The following ATM variants were observed in gnomAD, a reference collection of about 807,000 sequenced individuals.
The protein encoded by ATM is serine-protein kinase ATM.
A neutral mutation model predicts 387.0 loss-of-function variants in ATM; 308 were observed. That is an observed-to-expected ratio of 0.80 (90% CI 0.73 to 0.87). The LOEUF (loss-of-function observed/expected upper bound fraction) is 0.87, where lower values mean the gene tolerates loss of function less well. Among genes scored for constraint, ATM ranks in the 40% least tolerant of loss-of-function variants. The pLI, the probability that ATM is intolerant of heterozygous loss-of-function variation, is 0.00. For missense variants in ATM, 3,312 were observed against 3,560.9 expected, an observed-to-expected ratio of 0.93 and a Z score of 1.78; for synonymous variants, 1,156 against 1,187.3, an observed-to-expected ratio of 0.97 and a Z score of 0.54.
intron 55 of ATM, among the ~76,000 whole-genome samples, 172 bp from the exon 56 acceptor site, chr11:108,335,673 G>T (rs2086761921): frequency 6.6e-6 from 1 of 152,212 alleles, no homozygotes; most frequent in Non-Finnish European, 1.5e-5. Flanking sequence ...TGTAAATGTT[G>T]TAGCTTATTC....
chr11:108,310,421 AT>A, intron 39 of ATM, 106 bp downstream of exon 39: 1 of 1,060,582 alleles, frequency 9.4e-7, no homozygotes, highest in Non-Finnish European at 1.3e-6. Context: ...TTTAAAAGAT[AT>A]TTTAGATAGA....
chr11:108,232,527 C>CCTTTTTTTTTTTTTTTTTTTTTT, intron 4 of ATM, among the ~76,000 whole-genome samples: 1 of 58,178 alleles, frequency 1.7e-5, no homozygotes. Flanking sequence ...GATTTCTCTC[C>CCTTTTTTTTTTTTTTTTTTTTTT]TTTTTTTTTT....
chr11:108,337,018 T>C (rs2086930280), intron 56 of ATM, among the ~76,000 whole-genome samples: 2 of 152,232 alleles, frequency 1.3e-5, no homozygotes, highest in South Asian at 2.1e-4. Context: ...TATATATTTC[T>C]AGTTTTCCAC....
rs1239798453 is a variant in ATM at position 108,227,577 on chromosome 11, T to C, written c.-30-18T>C. 2 of 1,454,192 alleles carry C rather than the reference T, an allele frequency of 1.4e-6. No individual in the cohort carries two copies. Among genetic ancestry groups the C allele is most frequent in the Non-Finnish European group, 1.9e-6 (2 of 1,034,868 alleles). The allele number at this position is 1,454,192 out of a possible 1,614,324, so 90.1% of individuals were successfully genotyped here. ...ATATACATATACATATATATACCTA[T>C]ATGTATTTTTTTTACAGACAGTGAT... is the stretch of plus-strand genomic sequence containing the variant. On this transcript the variant is annotated intron_variant, in intron 1 of 62. Coordinates refer to ENST00000675843, the MANE Select transcript of ATM (RefSeq NM_000051.4).
chr11:108,328,676 C>G (rs1486352864), intron 48 of ATM, among the ~76,000 whole-genome samples: 2 of 152,164 alleles, frequency 1.3e-5, no homozygotes, highest in African/African-American at 4.8e-5. Flanking sequence ...CAGGGCTGTC[C>G]AATCTTTTGG....
chr11:108,345,990 C>T (rs2137045636), intron 58 of ATM, 82 bp downstream of exon 58: 1 of 1,510,190 alleles, frequency 6.6e-7, no homozygotes, highest in East Asian at 2.3e-5. Flanking sequence ...ACTTTTTCTA[C>T]ATTCTGAGTT....
intron 52 of ATM, among the ~76,000 whole-genome samples, chr11:108,332,512 AG>A (rs1042375792): frequency 1.1e-4 from 16 of 152,172 alleles, no homozygotes; most frequent in African/African-American, 3.9e-4. Context: ...TACCAGTAGT[AG>A]TTTACTTTTT....
chr11:108,239,723 T>C (rs756448808), intron 5 of ATM, among the ~76,000 whole-genome samples: 82 of 152,324 alleles, frequency 5.4e-4, no homozygotes, highest in Admixed American at 1.6e-3. Context: ...CATCCTGTTT[T>C]ACACAGGAGC....
At chr11:108,352,823 C>T (rs1008599227) in intron 59 of ATM, among the ~76,000 whole-genome samples, 2 of 152,270 alleles carry the variant, frequency 1.3e-5, no homozygotes, top group East Asian at 3.9e-4. Context: ...AGGTTACATA[C>T]TGTATGATTA....
intron 7 of ATM, among the ~76,000 whole-genome samples, chr11:108,245,801 G>A (rs932173391): frequency 1.3e-5 from 2 of 151,094 alleles, no homozygotes; most frequent in African/African-American, 2.4e-5. Flanking sequence ...AGCTATAATG[G>A]AGGAAATGTC....
chr11:108,259,226 A>G lies in ATM; in HGVS notation c.2466+151A>G, dbSNP rs1229273505. ...AAATTAAGGCCAGGTGCGGTGGCTCATGCCTGTAACCCCAGCACTTTGGGA... is the reference window on the plus strand; with the variant it reads ...AAATTAAGGCCAGGTGCGGTGGCTCGTGCCTGTAACCCCAGCACTTTGGGA... On this transcript the variant is annotated intron_variant, in intron 16 of 62. Coordinates refer to ENST00000675843, the MANE Select transcript of ATM (RefSeq NM_000051.4). 9.6e-6 allele frequency: 7 copies of G among 730,176 alleles called. No individual in the cohort carries two copies. The Admixed American group carries it at 1.5e-4, about 16-fold the overall frequency. 45.2% of individuals were successfully genotyped at this position (730,176 alleles called of 1,614,324 possible).
intron 7 of ATM, among the ~76,000 whole-genome samples, 190 bp from the exon 8 acceptor site, chr11:108,246,774 A>G (rs1332875784): frequency 6.6e-6 from 1 of 152,220 alleles, no homozygotes; most frequent in East Asian, 1.9e-4. Flanking sequence ...AGTTATCTAA[A>G]TGTAAAATGG....
intron 1 of ATM, chr11:108,227,295 G>C: frequency 4.1e-6 from 1 of 242,086 alleles, no homozygotes; most frequent in Non-Finnish European, 8.1e-6. Context: ...ACAGGCGTGA[G>C]CCACTGCGTC....
chr11:108,267,725 C>T (rs1245763369), intron 17 of ATM, among the ~76,000 whole-genome samples: 8 of 151,966 alleles, frequency 5.3e-5, no homozygotes, highest in South Asian at 4.2e-4. Context: ...GGCGTGGTGG[C>T]GGGCGCCTGT....
intron 39 of ATM, among the ~76,000 whole-genome samples, 171 bp from the exon 40 acceptor site, chr11:108,312,240 A>AT (rs1402867674): frequency 6.6e-6 from 1 of 152,210 alleles, no homozygotes; most frequent in Admixed American, 6.5e-5. Flanking sequence ...TCATTCACAA[A>AT]TTCCTTTTCC....
At chr11:108,345,021 GT>G (rs2088136737) in intron 57 of ATM, among the ~76,000 whole-genome samples, 1 of 151,936 alleles carries the variant, frequency 6.6e-6, no homozygotes, top group African/African-American at 2.4e-5. Flanking sequence ...AAAAAAAAAT[GT>G]TGGAGAAAAG....
intron 45 of ATM, among the ~76,000 whole-genome samples, chr11:108,324,742 A>G (rs1451007034): frequency 6.6e-6 from 1 of 152,140 alleles, no homozygotes; most frequent in Non-Finnish European, 1.5e-5. Flanking sequence ...TAGTTCAGTT[A>G]TTTGGGAAGG....
intron 4 of ATM, among the ~76,000 whole-genome samples, chr11:108,233,142 G>A (rs569049152): frequency 5.9e-5 from 9 of 152,182 alleles, no homozygotes; most frequent in Non-Finnish European, 7.4e-5. Flanking sequence ...GTTTATAGGC[G>A]TGAGCCACTG....
rs1555106375 is a variant in ATM at position 108,302,890 on chromosome 11, T to C, written c.5357T>C (p.Phe1786Ser). 2 of 1,613,256 alleles carry C rather than the reference T, an allele frequency of 1.2e-6. No homozygotes were observed. The highest frequency in any genetic ancestry group is 1.7e-4 in the Middle Eastern group (1 of 6,054). ...CCCAGATTTGACAAAGAAAACCCTTTTGAAGGCCTGGATGATATAAATCTG... is the reference window on the plus strand; with the variant it reads ...CCCAGATTTGACAAAGAAAACCCTTCTGAAGGCCTGGATGATATAAATCTG... ...EVPRFDKENP[F>S]EGLDDINLWI... The change falls in exon 36 of 63, where the codon TTT becomes TCT. Residue 1786 changes from phenylalanine to serine, a missense_variant. By Grantham distance (155) the Phe-to-Ser change is radical. Coordinates refer to ENST00000675843, the MANE Select transcript of ATM (RefSeq NM_000051.4).
Sources: gnomAD v4.1 joint callset for allele counts (sites outside exome capture counted in the v4.1 genomes callset) on GRCh38, gnomAD v4.1.1 for gene constraint, MANE v1.5 for transcripts, NCBI Gene and HGNC (gene_info 2026-07-23, HGNC 2026-07-21) for gene names.